EIF4EBP2: variants seen among roughly 807,000 people sequenced by gnomAD.
EIF4EBP2 encodes eukaryotic translation initiation factor 4E-binding protein 2.
Under a neutral mutation model 10.3 loss-of-function variants are expected in EIF4EBP2, and 5 were observed. The observed-to-expected ratio is 0.48, with a 90% CI of 0.25 to 1.02. EIF4EBP2 has a LOEUF of 1.02. Among genes scored for constraint, EIF4EBP2 ranks in the 50% least tolerant of loss-of-function variants. EIF4EBP2 has a pLI of 0.15. For synonymous variants in EIF4EBP2, 67 were observed against 61.1 expected (o/e 1.10, Z -0.45); for missense variants, 188 against 162.2 (o/e 1.16, Z -0.86).
chr10:70,409,664 T>C (rs1845021589), intron 1 of EIF4EBP2, among the ~76,000 whole-genome samples: 1 of 152,242 alleles, frequency 6.6e-6, no homozygotes, highest in Non-Finnish European at 1.5e-5. Context: ...CTAGCTAATA[T>C]GATTCTTTCC....
intron 2 of EIF4EBP2, among the ~76,000 whole-genome samples, chr10:70,421,409 T>C (rs1000121871): frequency 6.6e-6 from 1 of 152,210 alleles, no homozygotes; most frequent in African/African-American, 2.4e-5. Flanking sequence ...CAGAAGAATG[T>C]GCTCCCCTGA....
At chr10:70,404,824 T>TTC (rs1156297027) in intron 1 of EIF4EBP2, among the ~76,000 whole-genome samples, 2 of 152,248 alleles carry the variant, frequency 1.3e-5, no homozygotes, top group African/African-American at 2.4e-5. Context: ...TTCGACCCAG[T>TTC]TCTCTCTCTC....
intron 1 of EIF4EBP2, among the ~76,000 whole-genome samples, chr10:70,418,324 T>A (rs1293324212): frequency 6.6e-6 from 1 of 152,214 alleles, no homozygotes; most frequent in Non-Finnish European, 1.5e-5. Flanking sequence ...ATTTCTGTTG[T>A]TTAAGTTGTG....
chr10:70,404,678 C>G (rs1286080477), intron 1 of EIF4EBP2, 132 bp downstream of exon 1: 1 of 1,217,524 alleles, frequency 8.2e-7, no homozygotes, highest in Non-Finnish European at 1.1e-6. Context: ...GCCCTTGGGC[C>G]CGCCCGAGCG....
chr10:70,407,512 C>T (rs969325760), intron 1 of EIF4EBP2, among the ~76,000 whole-genome samples: 4 of 152,096 alleles, frequency 2.6e-5, no homozygotes, highest in Admixed American at 6.5e-5. Flanking sequence ...CCATGTCCAC[C>T]TCTTTCTACA....
At chr10:70,407,725 G>T (rs1210892525) in intron 1 of EIF4EBP2, among the ~76,000 whole-genome samples, 1 of 56,156 alleles carries the variant, frequency 1.8e-5, no homozygotes, top group Non-Finnish European at 4.3e-5. Context: ...CCGGGCGGGG[G>T]GCTGACCCCC....
chr10:70,413,917 C>T (rs1294142676), intron 1 of EIF4EBP2, among the ~76,000 whole-genome samples: 1 of 152,096 alleles, frequency 6.6e-6, no homozygotes, highest in African/African-American at 2.4e-5. Flanking sequence ...TGTTTTCCTT[C>T]TTCAGTAGCT....
chr10:70,406,662 G>A (rs545106968), intron 1 of EIF4EBP2, among the ~76,000 whole-genome samples: 9 of 150,874 alleles, frequency 6.0e-5, no homozygotes, highest in East Asian at 1.9e-4. Context: ...CTGTCTCATA[G>A]CCTGGATTAG....
intron 1 of EIF4EBP2, among the ~76,000 whole-genome samples, chr10:70,407,921 T>C (rs1844995092): frequency 8.6e-6 from 1 of 116,510 alleles, no homozygotes; most frequent in Non-Finnish European, 1.8e-5. Flanking sequence ...CACTTCCCAG[T>C]AGGAGCGGCC....
chr10:70,404,390 G>A lies in EIF4EBP2; in HGVS notation c.-12G>A. 1 of 1,553,500 alleles carries A rather than the reference G, an allele frequency of 6.4e-7. No individual in the cohort carries two copies. The highest frequency in any genetic ancestry group is 8.7e-7 in the Non-Finnish European group (1 of 1,152,996). ...GCCCGCCGGACAAAGCCGAGAGCCC[G>A]CGCCCACAGCCATGTCCTCGTCAGC... On this transcript the variant is annotated 5_prime_UTR_variant, in exon 1 of 3. Transcript: ENST00000373218.
chr10:70,410,583 T>A (rs1181130596), intron 1 of EIF4EBP2, among the ~76,000 whole-genome samples: 3 of 152,244 alleles, frequency 2.0e-5, no homozygotes, highest in African/African-American at 7.2e-5. Context: ...AAAACTGAAG[T>A]TCATTCATGA....
At chr10:70,409,167 G>T (rs774750724) in intron 1 of EIF4EBP2, among the ~76,000 whole-genome samples, 3 of 152,198 alleles carry the variant, frequency 2.0e-5, no homozygotes, top group Non-Finnish European at 4.4e-5. Context: ...GGTTTGGGAA[G>T]TGAGAAGTGG....
chr10:70,419,726 G>A (rs543002716), intron 1 of EIF4EBP2, among the ~76,000 whole-genome samples, 188 bp from the exon 2 acceptor site: 1 of 152,206 alleles, frequency 6.6e-6, no homozygotes, highest in South Asian at 2.1e-4. Context: ...CCTGGCAGAA[G>A]AGAAAGGGCA....
chr10:70,415,593 A>G (rs1011352473), intron 1 of EIF4EBP2, among the ~76,000 whole-genome samples: 2 of 152,254 alleles, frequency 1.3e-5, no homozygotes, highest in Non-Finnish European at 2.9e-5. Context: ...GATCAATGGA[A>G]TAAAATTGAG....
intron 1 of EIF4EBP2, among the ~76,000 whole-genome samples, chr10:70,405,841 C>A (rs1014352365): frequency 3.9e-5 from 6 of 152,128 alleles, no homozygotes; most frequent in Non-Finnish European, 7.4e-5. Context: ...CCTTGAAAGG[C>A]TTTTTAAATG....
intron 1 of EIF4EBP2, among the ~76,000 whole-genome samples, chr10:70,410,582 GTTCA>G (rs1845034020): frequency 6.6e-6 from 1 of 152,242 alleles, no homozygotes; most frequent in South Asian, 2.1e-4. Flanking sequence ...TAAAACTGAA[GTTCA>G]TTCATGAATG....
intron 1 of EIF4EBP2, among the ~76,000 whole-genome samples, chr10:70,412,392 C>T (rs1442817433): frequency 1.7e-4 from 1 of 5,796 alleles, no homozygotes; most frequent in African/African-American, 8.1e-4. Flanking sequence ...TGATGGCGGC[C>T]GGGGGGTGGG....
chr10:70,410,193 C>T (rs1245468065), intron 1 of EIF4EBP2, among the ~76,000 whole-genome samples: 2 of 152,258 alleles, frequency 1.3e-5, no homozygotes, highest in South Asian at 2.1e-4. Flanking sequence ...CCTCAGCCTC[C>T]TGAGTAGCTG....
chr10:70,404,564 G>C lies in EIF4EBP2; in HGVS notation c.145+18G>C. 2.0e-6 allele frequency: 3 copies of C among 1,524,392 alleles called. No individual in the cohort carries two copies. The highest frequency in any genetic ancestry group is 1.2e-5 in the South Asian group (1 of 81,368). 94.4% of individuals were successfully genotyped at this position (1,524,392 alleles called of 1,614,324 possible). ...ACCGGGAGGTGAGCGCCGGCCAGCCGTCCGCCGCGCCCGGTGTCCCGCCGC... is the reference window on the plus strand; with the variant it reads ...ACCGGGAGGTGAGCGCCGGCCAGCCCTCCGCCGCGCCCGGTGTCCCGCCGC... On this transcript the variant is annotated intron_variant, in intron 1 of 2. Coordinates refer to ENST00000373218, the MANE Select transcript of EIF4EBP2 (RefSeq NM_004096.5).
Sources: allele counts gnomAD v4.1 joint callset (sites outside exome capture counted in the v4.1 genomes callset), GRCh38; gene constraint gnomAD v4.1.1; transcripts MANE v1.5; gene names NCBI Gene and HGNC (gene_info 2026-07-23, HGNC 2026-07-21).